The following KCNT1 variants were observed in gnomAD, a reference collection of about 807,000 sequenced individuals.
The protein encoded by KCNT1 is potassium channel subfamily T member 1.
A neutral mutation model predicts 147.8 loss-of-function variants in KCNT1; 78 were observed. The ratio of observed to expected loss-of-function variants is 0.53; its 90% CI spans 0.44 to 0.64. KCNT1 has a LOEUF of 0.64. Ranked by LOEUF, KCNT1 falls within the 30% of genes least tolerant of loss-of-function variation. The pLI is 0.00. For synonymous variants in KCNT1, 867 were observed against 748.8 expected (o/e 1.16, Z -2.58); for missense variants, 1,419 against 1,750.3 (o/e 0.81, Z 3.38).
intron 10 of KCNT1, among the ~76,000 whole-genome samples, chr9:135,758,791 A>G (rs1831694892): frequency 6.6e-6 from 1 of 152,162 alleles, no homozygotes; most frequent in Non-Finnish European, 1.5e-5. Context: ...AGAGAAGGGG[A>G]CTGGCCCCTA....
intron 24 of KCNT1, among the ~76,000 whole-genome samples, chr9:135,783,168 C>T (rs139793633): frequency 5.3e-5 from 8 of 152,236 alleles, no homozygotes; most frequent in Non-Finnish European, 1.0e-4. Context: ...TACCGCCTCA[C>T]GTGACAGAAG....
rs550751778 is a variant in KCNT1 at position 135,771,027 on chromosome 9, C to T, written c.1940C>T (p.Ala647Val). 1.1e-5 allele frequency: 18 copies of T among 1,613,446 alleles called. No homozygotes were observed. Among genetic ancestry groups the T allele is most frequent in the East Asian group, 2.2e-5 (1 of 44,840 alleles). Residue 647 changes from alanine to valine, a missense_variant, in exon 18 of 31, where the codon GCC becomes GTC. Around this residue, in one of 5 missense-constraint regions of KCNT1, gnomAD observed 284 missense variants for 292.8 expected, o/e 0.97. Coordinates refer to ENST00000371757, the MANE Select transcript of KCNT1 (RefSeq NM_020822.3). ...FKQEEKRKKR[A>V]FSGQGLHEGP... The stretch of plus-strand genomic sequence containing the variant: ...CAGGAGGAGAAGCGGAAGAAGAGGG[C>T]CTTCTCGGGGCAGGGGCTGCACGAG...
At position 135,713,504 on chromosome 9, in the gene KCNT1, G is replaced by A. The variant is rs77584428; in HGVS notation, c.111-1073G>A. Among the ~76,000 whole-genome samples, 47 of 152,302 alleles carry A rather than the reference G, an allele frequency of 3.1e-4. No homozygotes were observed. In the East Asian group the frequency reaches 6.2e-3, roughly 20 times the overall value. ...CTCAAGGAATGTGCCCACCCCTCCCGACTTGAGGAGAGAGAGGAGAGTTTT... is the reference window on the plus strand; with the variant it reads ...CTCAAGGAATGTGCCCACCCCTCCCAACTTGAGGAGAGAGAGGAGAGTTTT... On this transcript the variant is annotated intron_variant, in intron 1 of 30. Transcript: ENST00000371757.
chr9:135,772,064 C>T lies in KCNT1; in HGVS notation c.2009-651C>T, dbSNP rs188688068. Among the ~76,000 whole-genome samples, 880 of 152,314 alleles carry T rather than the reference C, an allele frequency of 5.8e-3. 8 individuals carry two copies. The highest frequency in any genetic ancestry group is 0.02 in the African/African-American group (851 of 41,570). On this transcript the variant is annotated intron_variant, in intron 18 of 30. Coordinates refer to ENST00000371757, the MANE Select transcript of KCNT1 (RefSeq NM_020822.3). ...ACCACCTGCCAGACCCCGCAGGTTC[C>T]CGGCCGCCGTCTACGGCAGCTCACT...
In KCNT1 at chr9:135,784,517, C is replaced by CCTCCCTCCCTG. The variant is rs1564390739; in HGVS notation, c.2944-17_2944-16insTCCCTCCCTGC. The CCTCCCTCCCTG allele has an allele frequency of 5.9e-6, 4 of 672,946 alleles. No individual in the cohort carries two copies. Among genetic ancestry groups the CCTCCCTCCCTG allele is most frequent in the Non-Finnish European group, 1.0e-5 (4 of 400,314 alleles). 41.7% of individuals were successfully genotyped at this position (672,946 alleles called of 1,614,324 possible). On this transcript the variant is annotated splice_polypyrimidine_tract_variant and intron_variant, in intron 25 of 30. Transcript: ENST00000371757. The stretch of plus-strand genomic sequence containing the variant: ...TCCCTCCCTCCCTCCCTCCCTCCCT[C>CCTCCCTCCCTG]CCTCCCTCCCTGGCCAGTCCTTCGT...
rs1226286235 is a variant in KCNT1, at chr9:135,792,222, G to A, written c.*61G>A. ...GGGTCCTCAGGAAGGACGTGGAGGAGCGTGTGAGGACACGGTGGCACTAGC... is the reference window on the plus strand; with the variant it reads ...GGGTCCTCAGGAAGGACGTGGAGGAACGTGTGAGGACACGGTGGCACTAGC... On this transcript the variant is annotated 3_prime_UTR_variant, in exon 31 of 31. Coordinates refer to ENST00000371757, the MANE Select transcript of KCNT1 (RefSeq NM_020822.3). 6.4e-7 allele frequency: 1 copy of A among 1,560,740 alleles called. No homozygotes were observed. Among genetic ancestry groups the A allele is most frequent in the South Asian group, 1.2e-5 (1 of 86,404 alleles).
At chr9:135,718,036 T>A (rs962248214) in intron 2 of KCNT1, among the ~76,000 whole-genome samples, 8 of 152,320 alleles carry the variant, frequency 5.3e-5, no homozygotes, top group Non-Finnish European at 1.5e-5. Flanking sequence ...ACCCCAGCCC[T>A]GGCTCTGTGG....
At chr9:135,753,726 G>T in intron 4 of KCNT1, 1 of 604,296 alleles carries the variant, frequency 1.7e-6, no homozygotes, top group Non-Finnish European at 3.0e-6. Flanking sequence ...GCATTCCTCA[G>T]TTAGAGGCCC....
At chr9:135,724,170 T>G (rs916354869) in intron 2 of KCNT1, among the ~76,000 whole-genome samples, 68 of 152,294 alleles carry the variant, frequency 4.5e-4, no homozygotes, top group African/African-American at 1.6e-3. Context: ...GGCCTTGCAG[T>G]CCAGGCCAGC....
At chr9:135,731,188 C>A (rs1836417562) in intron 2 of KCNT1, among the ~76,000 whole-genome samples, 1 of 152,058 alleles carries the variant, frequency 6.6e-6, no homozygotes, top group South Asian at 2.1e-4. Flanking sequence ...TTTGCAACTT[C>A]CTTGTTCTCT....
chr9:135,786,444 G>T lies in KCNT1; in HGVS notation c.3425G>T (p.Arg1142Leu), dbSNP rs773520283. Residue 1142 changes from arginine to leucine, a missense_variant, in exon 29 of 31, where the codon CGG becomes CTG. This residue lies in a region of KCNT1 where 306 missense variants were observed against 294.2 expected (regional missense o/e 1.04). Coordinates refer to ENST00000371757, the MANE Select transcript of KCNT1 (RefSeq NM_020822.3). ...WISQQRLSLY[R>L]RSERQELSEL... ...AGCCAGCAGCGCCTCAGCCTGTACC[G>T]GCGCTCTGAGCGCCAGGAGCTCTCC... 2 of 1,597,554 alleles carry T rather than the reference G, an allele frequency of 1.3e-6. No homozygotes were observed. The highest frequency in any genetic ancestry group is 8.5e-7 in the Non-Finnish European group (1 of 1,173,316).
At chr9:135,771,900 C>A (rs1832785984) in intron 18 of KCNT1, among the ~76,000 whole-genome samples, 1 of 152,010 alleles carries the variant, frequency 6.6e-6, no homozygotes, top group Non-Finnish European at 1.5e-5. Flanking sequence ...GAGGCTGACC[C>A]TATGGGGCAC....
At chr9:135,758,384 G>T in intron 9 of KCNT1, 30 bp from the exon 10 acceptor site, 1 of 1,562,850 alleles carries the variant, frequency 6.4e-7, no homozygotes, top group Non-Finnish European at 8.8e-7. Flanking sequence ...CACAGTCCCT[G>T]CCCGCTGACA....
intron 4 of KCNT1, chr9:135,753,644 G>C: frequency 1.9e-6 from 1 of 523,116 alleles, no homozygotes; most frequent in Non-Finnish European, 3.4e-6. Context: ...TTGGGTTGGG[G>C]CTACCCCCAA....
chr9:135,713,445 G>A (rs978097287), intron 1 of KCNT1, among the ~76,000 whole-genome samples: 8 of 152,238 alleles, frequency 5.3e-5, no homozygotes, highest in Admixed American at 1.3e-4. Context: ...CTTGTCTGAG[G>A]GTTAGGGGAC....
chr9:135,772,746 G>A lies in KCNT1; in HGVS notation c.2040G>A (p.Glu680=). The A allele has an allele frequency of 2.1e-6, 3 of 1,442,942 alleles. No individual in the cohort carries two copies. The highest frequency in any genetic ancestry group is 2.7e-5 in the East Asian group (1 of 37,380). The allele number at this position is 1,442,942 out of a possible 1,614,324, so 89.4% of individuals were successfully genotyped here. A position where few individuals can be genotyped will look rare whatever the true frequency, so the allele number is the denominator to read the frequency against. The change falls in exon 19 of 31, where the codon GAG becomes GAA. Residue 680 remains glutamate (E), a synonymous_variant. Coordinates refer to ENST00000371757, the MANE Select transcript of KCNT1 (RefSeq NM_020822.3). ...TGGCCATGGACCTGCAGGGCACAGA[G>A]CACCGGCCTACGCAGAGCGGCGGTG... is the stretch of plus-strand genomic sequence containing the variant. ...GTVAMDLQGT[E]HRPTQSGGGG... is the part of the protein sequence containing the mutation.
At chr9:135,729,019 G>T (rs1836327054) in intron 2 of KCNT1, among the ~76,000 whole-genome samples, 1 of 152,208 alleles carries the variant, frequency 6.6e-6, no homozygotes, top group Admixed American at 6.5e-5. Flanking sequence ...TTCTTTAGAG[G>T]TAATTAAGGT....
rs545847581 is a variant in KCNT1, at chr9:135,792,585, G to A, written c.*424G>A. On this transcript the variant is annotated 3_prime_UTR_variant, in exon 31 of 31. Coordinates refer to ENST00000371757, the MANE Select transcript of KCNT1 (RefSeq NM_020822.3). ...CGTGGGCCACACCCAACTCAGAGCC[G>A]GCCTGAGCGTTCACGGCCAGGCAGC... 7 of 164,114 alleles carry A rather than the reference G, an allele frequency of 4.3e-5. No individual in the cohort carries two copies. Among genetic ancestry groups the A allele is most frequent in the South Asian group, 1.6e-4 (1 of 6,072 alleles). 10.2% of individuals were successfully genotyped at this position (164,114 alleles called of 1,614,324 possible).
chr9:135,776,992 C>T (rs1037342601), intron 20 of KCNT1, among the ~76,000 whole-genome samples: 6 of 152,238 alleles, frequency 3.9e-5, no homozygotes, highest in African/African-American at 1.4e-4. Flanking sequence ...GTGGCGTGCT[C>T]ACTGCTGTTG....
Sources: gnomAD v4.1 joint callset for allele counts (sites outside exome capture counted in the v4.1 genomes callset) on GRCh38, gnomAD v4.1.1 for gene constraint, gnomAD v4.1.1 regional missense constraint, MANE v1.5 for transcripts, NCBI Gene and HGNC (gene_info 2026-07-23, HGNC 2026-07-21) for gene names.